The following SLC29A4 variants were observed in gnomAD, a reference collection of about 807,000 sequenced individuals.
The protein encoded by SLC29A4 is solute carrier family 29 member 4, also known as equilibrative nucleoside transporter 4.
SLC29A4 carries 36 observed loss-of-function variants against 43.9 expected under a neutral mutation model. That is an observed-to-expected ratio of 0.82 (90% confidence interval 0.63 to 1.08). The LOEUF (loss-of-function observed/expected upper bound fraction) is 1.08, where lower values mean the gene tolerates loss of function less well. SLC29A4 is among the 50% of genes least tolerant of loss of function. SLC29A4 has a pLI of 0.00. For synonymous variants in SLC29A4, 491 were observed against 338.0 expected (o/e 1.45, Z -4.97); for missense variants, 869 against 755.3 (o/e 1.15, Z -1.77).
chr7:5,302,850 G>T lies in SLC29A4; in HGVS notation c.1504G>T (p.Ala502Ser). The T allele has an allele frequency of 6.3e-7, 1 of 1,593,980 alleles. No homozygotes were observed. Among genetic ancestry groups the T allele is most frequent in the Admixed American group, 1.7e-5 (1 of 57,726 alleles). The part of the protein sequence containing the change: ...MSGLTLGSAV[A>S]YCTYSLTRDA... The stretch of plus-strand genomic sequence containing the variant: ...AGGGCTGACGCTGGGGTCCGCCGTG[G>T]CCTACTGCACCTACAGCCTCACCCG... The change falls in exon 11 of 11, where the codon GCC (alanine) becomes TCC (serine). Residue 502 changes from alanine to serine, a missense_variant. By Grantham distance (99) the Ala-to-Ser change is moderately conservative (BLOSUM62 1). Coordinates refer to ENST00000396872, the MANE Select transcript of SLC29A4 (RefSeq NM_153247.4).
intron 7 of SLC29A4, among the ~76,000 whole-genome samples, chr7:5,297,846 C>T (rs543090377): frequency 1.3e-5 from 2 of 152,288 alleles, no homozygotes; most frequent in South Asian, 4.1e-4. Flanking sequence ...CTGGGCTTCC[C>T]TGTCATAGCA....
At chr7:5,290,084 C>T (rs531209528) in intron 2 of SLC29A4, among the ~76,000 whole-genome samples, 1 of 136,808 alleles carries the variant, frequency 7.3e-6, no homozygotes, top group African/African-American at 2.7e-5. Flanking sequence ...GACGGAGTCT[C>T]ACTCTGTCGC....
intron 7 of SLC29A4, 107 bp downstream of exon 7, chr7:5,297,305 G>A: frequency 7.7e-7 from 1 of 1,297,278 alleles, no homozygotes; most frequent in Non-Finnish European, 1.0e-6. Flanking sequence ...ATCCCAGACT[G>A]TGGTCTCCTC....
rs79051188 is a variant in SLC29A4, at chr7:5,284,032, A to ACCCCCC, written c.-9+956_-9+961dup. Among the ~76,000 whole-genome samples, 428 of 72,298 alleles carry ACCCCCC rather than the reference A, an allele frequency of 5.9e-3. 1 individual carries two copies. The highest frequency in any genetic ancestry group is 8.9e-3 in the African/African-American group (176 of 19,812). 47.4% of individuals were successfully genotyped at this position (72,298 alleles called of 152,430 possible). ...GCCAGGCTCCAGTCTGAGCTGCACG[A>ACCCCCC]CCCCCCCCCCCACCCCCGACTTGGC... On this transcript the variant is annotated intron_variant, in intron 1 of 10. Coordinates refer to ENST00000396872, the MANE Select transcript of SLC29A4 (RefSeq NM_153247.4).
Position 5,303,071 on chromosome 7 carries a change from T to A in SLC29A4, c.*132T>A. ...CCCCTGTGCCAGCAGCCCCACTCCC[T>A]CAGGGTCCAGCCATGCCCCACCCTG... On this transcript the variant is annotated 3_prime_UTR_variant, in exon 11 of 11. Coordinates refer to ENST00000396872, the MANE Select transcript of SLC29A4 (RefSeq NM_153247.4). The A allele has an allele frequency of 9.0e-7, 1 of 1,115,596 alleles. No individual in the cohort carries two copies. Among genetic ancestry groups the A allele is most frequent in the Non-Finnish European group, 1.3e-6 (1 of 793,206 alleles). 69.1% of individuals were successfully genotyped at this position (1,115,596 alleles called of 1,614,324 possible). A position where few individuals can be genotyped will look rare whatever the true frequency, so the allele number is the denominator to read the frequency against.
chr7:5,284,727 A>G (rs912117982), intron 1 of SLC29A4, among the ~76,000 whole-genome samples: 1 of 151,988 alleles, frequency 6.6e-6, no homozygotes, highest in Non-Finnish European at 1.5e-5. Flanking sequence ...CAGGGTCCCC[A>G]CCCCCTCCAC....
intron 2 of SLC29A4, among the ~76,000 whole-genome samples, chr7:5,289,640 T>A (rs1290809242): frequency 2.6e-5 from 4 of 151,986 alleles, no homozygotes; most frequent in Admixed American, 6.6e-5. Context: ...AGGGCTAGGG[T>A]TGGAACTGGG....
At chr7:5,299,152 C>T in intron 8 of SLC29A4, 26 bp downstream of exon 8, 1 of 1,602,376 alleles carries the variant, frequency 6.2e-7, no homozygotes, top group African/African-American at 1.3e-5. Context: ...CCTCTGCTGC[C>T]CTGGCTCTGG....
At chr7:5,300,358 C>T (rs1481885658) in intron 9 of SLC29A4, 64 bp from the exon 10 acceptor site, 60 of 1,593,840 alleles carry the variant, frequency 3.8e-5, no homozygotes, top group African/African-American at 5.6e-5. Flanking sequence ...TAGAGGCTGT[C>T]GGGGGTGTGA....
chr7:5,296,074 A>G (rs1583667168), intron 6 of SLC29A4, among the ~76,000 whole-genome samples: 1 of 151,676 alleles, frequency 6.6e-6, no homozygotes, highest in East Asian at 2.0e-4. Context: ...GGCGGCTTCC[A>G]GCGCCTCAAA....
intron 5 of SLC29A4, 30 bp downstream of exon 5, chr7:5,291,851 T>A: frequency 6.2e-7 from 1 of 1,603,622 alleles, no homozygotes. Context: ...GGGGAGGCCT[T>A]GAGTGCCCAC....
At chr7:5,301,868 G>A (rs1786190783) in intron 10 of SLC29A4, among the ~76,000 whole-genome samples, 1 of 152,166 alleles carries the variant, frequency 6.6e-6, no homozygotes, top group Admixed American at 6.5e-5. Flanking sequence ...GTTGGGGTTG[G>A]GTTTGGGACT....
At chr7:5,294,093 G>T (rs536284683) in intron 5 of SLC29A4, among the ~76,000 whole-genome samples, 1 of 149,376 alleles carries the variant, frequency 6.7e-6, no homozygotes, top group Non-Finnish European at 1.5e-5. Context: ...ACGACAGTGC[G>T]AGGCTCTATC....
chr7:5,294,373 T>A (rs1259632724), intron 5 of SLC29A4, among the ~76,000 whole-genome samples: 1 of 152,160 alleles, frequency 6.6e-6, no homozygotes, highest in Non-Finnish European at 1.5e-5. Flanking sequence ...GCTGTATTAG[T>A]TAGGATGAGA....
At chr7:5,290,093 G>A (rs533184751) in intron 2 of SLC29A4, among the ~76,000 whole-genome samples, 117 of 140,296 alleles carry the variant, frequency 8.3e-4, no homozygotes, top group Non-Finnish European at 1.4e-3. Context: ...TCACTCTGTC[G>A]CCCAGGTTGG....
In SLC29A4 at chr7:5,287,847, G is replaced by A; in HGVS notation, c.31G>A (p.Glu11Lys). 1 of 1,611,872 alleles carries A rather than the reference G, an allele frequency of 6.2e-7. No homozygotes were observed. Among genetic ancestry groups the A allele is most frequent in the Non-Finnish European group, 8.5e-7 (1 of 1,179,814 alleles). MGSVGSQRLE[E>K]PSVAGTPDPG... ...CTCCGTGGGGAGCCAGCGCCTTGAG[G>A]AGCCCAGCGTGGCAGGCACACCAGA... The change falls in exon 2 of 11, where the codon GAG becomes AAG. Residue 11 changes from glutamate (E) to lysine (K), a missense_variant. By Grantham distance (56) the Glu-to-Lys change is moderately conservative. Transcript: ENST00000396872.
At position 5,299,083 on chromosome 7, in the gene SLC29A4, T is replaced by G. The variant is rs6950111; in HGVS notation, c.978T>G (p.Asp326Glu). The change falls in exon 8 of 11, where the codon GAT becomes GAG. Residue 326 changes from aspartate (D) to glutamate (E), a missense_variant. Physicochemically the swap from Asp to Glu is conservative, Grantham distance 45. Transcript: ENST00000396872. ...TGSGGAYMRF[D>E]VPRPRVQRSW... ...GCGGCGGGGCCTACATGCGCTTTGA[T>G]GTGCCGCGGCCAAGGGTCCAGCGCA... The G allele has an allele frequency of 2.5e-5, 41 of 1,609,744 alleles. No individual in the cohort carries two copies. The highest frequency in any genetic ancestry group is 3.3e-5 in the Non-Finnish European group (39 of 1,179,066).
chr7:5,297,015 C>T lies in SLC29A4; in HGVS notation c.699C>T (p.Ile233=), dbSNP rs766067530. Residue 233 remains isoleucine, a synonymous_variant, in exon 7 of 11, where the codon ATC becomes ATT. Transcript: ENST00000396872. ...CCGACGAGCGCGCCAGCACGCTCATCTTCTTCCTGGTGTCGGTGGCGCTGG... is the reference window on the plus strand; with the variant it reads ...CCGACGAGCGCGCCAGCACGCTCATTTTCTTCCTGGTGTCGGTGGCGCTGG... ...LLPDERASTL[I]FFLVSVALEL... is the part of the protein sequence containing the mutation. 4.3e-5 allele frequency: 69 copies of T among 1,605,882 alleles called. No individual in the cohort carries two copies. Among genetic ancestry groups the T allele is most frequent in the Non-Finnish European group, 5.7e-5 (67 of 1,179,652 alleles).
In SLC29A4 at chr7:5,299,850, T is replaced by C. The variant is rs1786011276; in HGVS notation, c.1209+423T>C. 2.0e-5 allele frequency among the ~76,000 whole-genome samples: 3 copies of C among 152,208 alleles called. No homozygotes were observed. The South Asian group carries it at 6.2e-4, about 31-fold the overall frequency. ...GTAGATCACTTGAGGCCAGGAGTTC[T>C]AGACCAACCTTGCCAACATGGTGAA... On this transcript the variant is annotated intron_variant, in intron 9 of 10. Coordinates refer to ENST00000396872, the MANE Select transcript of SLC29A4 (RefSeq NM_153247.4).
Sources: gnomAD v4.1 joint callset for allele counts (sites outside exome capture counted in the v4.1 genomes callset) on GRCh38, gnomAD v4.1.1 for gene constraint, MANE v1.5 for transcripts, NCBI Gene and HGNC (gene_info 2026-07-23, HGNC 2026-07-21) for gene names.